The following NUDCD1 variants were observed in gnomAD, a reference collection of about 807,000 sequenced individuals.
NUDCD1 encodes nudC domain-containing protein 1.
NUDCD1 carries 60 observed loss-of-function variants against 67.8 expected under a neutral mutation model. The ratio of observed to expected loss-of-function variants is 0.88; its 90% CI spans 0.72 to 1.10. The LOEUF (loss-of-function observed/expected upper bound fraction) is 1.10. Ranked by LOEUF, NUDCD1 falls within the 50% of genes least tolerant of loss-of-function variation. The probability of loss-of-function intolerance (pLI) is 0.00; values close to 1 mark genes in which losing one functional copy is unlikely to be tolerated. For missense variants in NUDCD1, 643 were observed against 695.0 expected (o/e 0.93, Z 0.84); for synonymous variants, 244 against 230.8 (o/e 1.06, Z -0.52).
intron 8 of NUDCD1, among the ~76,000 whole-genome samples, chr8:109,245,987 A>C (rs959331890): frequency 2.0e-5 from 3 of 152,144 alleles, no homozygotes; most frequent in African/African-American, 7.2e-5. Flanking sequence ...GAGGGTGAAC[A>C]CTATTGTGAA....
intron 2 of NUDCD1, among the ~76,000 whole-genome samples, chr8:109,305,563 C>A (rs1815084362): frequency 6.6e-6 from 1 of 152,162 alleles, no homozygotes; most frequent in Admixed American, 6.5e-5. Context: ...TAGAGCCTGT[C>A]CTCGAGATAC....
chr8:109,288,740 A>C (rs992204177), intron 5 of NUDCD1, among the ~76,000 whole-genome samples: 3 of 152,174 alleles, frequency 2.0e-5, no homozygotes, highest in African/African-American at 7.2e-5. Flanking sequence ...TTAAAAACAA[A>C]AAGGTAAAAC....
At chr8:109,333,752 G>A (rs775332310) in intron 1 of NUDCD1, 141 bp downstream of exon 1, 54 of 871,054 alleles carry the variant, frequency 6.2e-5, no homozygotes, top group Non-Finnish European at 9.1e-5. Context: ...TTCCCCAGAA[G>A]CAGCGGCCTC....
At chr8:109,333,089 G>A (rs1278232907) in intron 1 of NUDCD1, among the ~76,000 whole-genome samples, 2 of 152,148 alleles carry the variant, frequency 1.3e-5, no homozygotes, top group Non-Finnish European at 2.9e-5. Flanking sequence ...CAGGTACTCG[G>A]TAAATATTTC....
At chr8:109,317,886 GGA>G in intron 2 of NUDCD1, among the ~76,000 whole-genome samples, 1 of 152,058 alleles carries the variant, frequency 6.6e-6, no homozygotes, top group African/African-American at 2.4e-5. Context: ...AAGGATATAT[GGA>G]GACTGCTGTA....
rs181980047 is a variant in NUDCD1 at position 109,247,016 on chromosome 8, C to T, written c.1300-1535G>A. ...AGGGAAATAGGGCTTTTTCGTAGAG[C>T]CAGTGCTTGCTCTCTACAAAATAAG... On this transcript the variant is annotated intron_variant, in intron 8 of 9. Coordinates refer to ENST00000239690, the MANE Select transcript of NUDCD1 (RefSeq NM_032869.4). Among the ~76,000 whole-genome samples, 15 of 152,256 alleles carry T rather than the reference C, an allele frequency of 9.9e-5. No homozygotes were observed. The East Asian group carries it at 2.7e-3, about 27-fold the overall frequency.
At chr8:109,301,214 T>G (rs1198960072) in intron 2 of NUDCD1, among the ~76,000 whole-genome samples, 2 of 152,210 alleles carry the variant, frequency 1.3e-5, no homozygotes, top group African/African-American at 4.8e-5. Context: ...CACTGTGATT[T>G]GTTCCTGCCC....
At chr8:109,330,993 G>A (rs926137439) in intron 1 of NUDCD1, among the ~76,000 whole-genome samples, 1 of 151,892 alleles carries the variant, frequency 6.6e-6, no homozygotes, top group Non-Finnish European at 1.5e-5. Context: ...CATGGCACAC[G>A]TTTACCTATG....
At chr8:109,268,919 C>T (rs577633634) in intron 8 of NUDCD1, among the ~76,000 whole-genome samples, 1 of 152,172 alleles carries the variant, frequency 6.6e-6, no homozygotes, top group Admixed American at 6.5e-5. Context: ...AAGTAAAACT[C>T]CTAAAAAATC....
chr8:109,258,226 T>C (rs1020078164), intron 8 of NUDCD1, among the ~76,000 whole-genome samples: 2 of 151,990 alleles, frequency 1.3e-5, no homozygotes, highest in Admixed American at 1.3e-4. Context: ...GTCAAAATAA[T>C]TTTTTTTCTT....
intron 5 of NUDCD1, among the ~76,000 whole-genome samples, chr8:109,282,190 G>A (rs1002601658): frequency 6.6e-6 from 1 of 152,156 alleles, no homozygotes; most frequent in Non-Finnish European, 1.5e-5. Flanking sequence ...ACTCCCCGGG[G>A]CTGAGCAGGG....
At position 109,333,828 on chromosome 8, in the gene NUDCD1, G is replaced by A. The variant is rs892648594; in HGVS notation, c.118+65C>T. 2.0e-6 allele frequency: 3 copies of A among 1,535,666 alleles called. No individual in the cohort carries two copies. The South Asian group carries it at 3.5e-5, about 18-fold the overall frequency. On this transcript the variant is annotated intron_variant, in intron 1 of 9. Coordinates refer to ENST00000239690, the MANE Select transcript of NUDCD1 (RefSeq NM_032869.4). ...GTCAGAAAGAAAGAAATTGCGGGAAGGGTCAGGCCGGAGGCAGCCGAAAGG... is the reference window on the plus strand; with the variant it reads ...GTCAGAAAGAAAGAAATTGCGGGAAAGGTCAGGCCGGAGGCAGCCGAAAGG...
At chr8:109,310,229 C>T (rs987153273) in intron 2 of NUDCD1, among the ~76,000 whole-genome samples, 1 of 152,078 alleles carries the variant, frequency 6.6e-6, no homozygotes, top group Non-Finnish European at 1.5e-5. Context: ...TACTATAAGA[C>T]CATAGTCACC....
In NUDCD1 at chr8:109,275,402, G is replaced by A; in HGVS notation, c.1123C>T (p.Gln375Ter). ...AAACGTTCAGCTATTGCAGCACACTGGGCTGAATCTCTTATAAGTTCCCCT... is the reference window on the plus strand; with the variant it reads ...AAACGTTCAGCTATTGCAGCACACTAGGCTGAATCTCTTATAAGTTCCCCT... ...KQGELIRDSAQCAAIAERLMH... is the reference protein window; with the variant it reads ...KQGELIRDSA Residue 375 changes from glutamine to a stop codon, truncating the protein, a stop_gained, in exon 7 of 10, where the codon CAG (glutamine) becomes TAG (stop). Transcript: ENST00000239690. LOFTEE classifies it high-confidence loss of function. 1 of 1,613,658 alleles carries A rather than the reference G, an allele frequency of 6.2e-7. No homozygotes were observed. Among genetic ancestry groups the A allele is most frequent in the Non-Finnish European group, 8.5e-7 (1 of 1,179,712 alleles).
chr8:109,308,843 G>A (rs1193808202), intron 2 of NUDCD1, among the ~76,000 whole-genome samples: 2 of 148,858 alleles, frequency 1.3e-5, no homozygotes, highest in African/African-American at 5.2e-5. Context: ...ATGGTGGCAG[G>A]CAAATGTAGT....
intron 1 of NUDCD1, chr8:109,329,991 A>T (rs1368620456): frequency 6.1e-6 from 7 of 1,153,104 alleles, no homozygotes; most frequent in Admixed American, 8.0e-5. Context: ...ACTAGTCAAG[A>T]AAGGAATCCC....
At chr8:109,280,255 T>A (rs915202031) in intron 6 of NUDCD1, among the ~76,000 whole-genome samples, 1 of 152,206 alleles carries the variant, frequency 6.6e-6, no homozygotes, top group African/African-American at 2.4e-5. Flanking sequence ...ATCCCTAAGA[T>A]TTATCATTGC....
At chr8:109,291,140 G>C (rs936350936) in intron 4 of NUDCD1, among the ~76,000 whole-genome samples, 1 of 152,138 alleles carries the variant, frequency 6.6e-6, no homozygotes, top group Non-Finnish European at 1.5e-5. Context: ...GAAATGCTAG[G>C]TTAAAATTAA....
intron 9 of NUDCD1, 99 bp downstream of exon 9, chr8:109,245,223 G>A: frequency 8.7e-7 from 1 of 1,155,292 alleles, no homozygotes; most frequent in South Asian, 1.6e-5. Flanking sequence ...AATGTAATCA[G>A]GACAGCTCAA....
Sources: gnomAD v4.1 joint callset for allele counts (sites outside exome capture counted in the v4.1 genomes callset) on GRCh38, gnomAD v4.1.1 for gene constraint, MANE v1.5 for transcripts, NCBI Gene and HGNC (gene_info 2026-07-23, HGNC 2026-07-21) for gene names.